Variants in RO60 observed in about 807,000 individuals in gnomAD.
The protein encoded by RO60 is RNA-binding protein RO60.
A neutral mutation model predicts 55.3 loss-of-function variants in RO60; 20 were observed. That is an observed-to-expected ratio of 0.36 (90% CI 0.25 to 0.53). The LOEUF is 0.53. Ranked by LOEUF, RO60 falls within the 20% of genes least tolerant of loss-of-function variation. RO60 has a pLI of 0.92. For synonymous variants in RO60, 213 were observed against 213.6 expected (o/e 1.00, Z 0.02); for missense variants, 558 against 646.6 (o/e 0.86, Z 1.49).
chr1:193,077,177 G>A (rs1673982441), intron 5 of RO60, 127 bp downstream of exon 5: 2 of 928,056 alleles, frequency 2.2e-6, no homozygotes, highest in South Asian at 2.1e-5. Flanking sequence ...TTTTTCTTTA[G>A]TTCATATGTG....
intron 2 of RO60, among the ~76,000 whole-genome samples, chr1:193,071,614 A>C (rs1673507129): frequency 1.3e-5 from 2 of 151,926 alleles, no homozygotes; most frequent in Non-Finnish European, 1.5e-5. Context: ...GGATCAGTGT[A>C]CCCACATTTG....
intron 1 of RO60, among the ~76,000 whole-genome samples, chr1:193,066,310 G>A (rs1289437131): frequency 6.6e-6 from 1 of 152,084 alleles, no homozygotes; most frequent in Admixed American, 6.5e-5. Flanking sequence ...TTTTCTCTAA[G>A]TCCCATCCTC....
At chr1:193,067,279 G>A (rs781526953) in intron 1 of RO60, among the ~76,000 whole-genome samples, 6 of 147,562 alleles carry the variant, frequency 4.1e-5, no homozygotes, top group Non-Finnish European at 7.4e-5. Context: ...TCCGCCTCCC[G>A]GGTTCACGCC....
chr1:193,062,884 A>G (rs148478372), intron 1 of RO60, among the ~76,000 whole-genome samples: 1 of 152,318 alleles, frequency 6.6e-6, no homozygotes, highest in African/African-American at 2.4e-5. Context: ...TTTATTGTCT[A>G]ATAATAGTCC....
chr1:193,082,517 T>A (rs1674381375), intron 7 of RO60, 45 bp from the exon 8 acceptor site: 2 of 1,598,620 alleles, frequency 1.3e-6, no homozygotes, highest in African/African-American at 1.3e-5. Flanking sequence ...CTAGTATTTT[T>A]AAGGATTTAT....
intron 5 of RO60, among the ~76,000 whole-genome samples, chr1:193,077,801 CAGTGAACAT>C (rs1674030973): frequency 6.6e-6 from 1 of 152,144 alleles, no homozygotes; most frequent in Non-Finnish European, 1.5e-5. Context: ...TTGGGGATTA[CAGTGAACAT>C]AAGATTGGTG....
intron 2 of RO60, among the ~76,000 whole-genome samples, chr1:193,075,412 C>A: frequency 6.7e-6 from 1 of 150,042 alleles, no homozygotes. Flanking sequence ...TATTCAACAG[C>A]AAAAAGAGAC....
intron 1 of RO60, among the ~76,000 whole-genome samples, chr1:193,066,665 G>C (rs1172556427): frequency 6.6e-6 from 1 of 152,062 alleles, no homozygotes; most frequent in Non-Finnish European, 1.5e-5. Context: ...GCTTTTAATG[G>C]TTAATATTCA....
At position 193,059,828 on chromosome 1, in the gene RO60, C is replaced by A. The variant is rs1306154175; in HGVS notation, c.-22+52C>A. 1 of 1,358,400 alleles carries A rather than the reference C, an allele frequency of 7.4e-7. No individual in the cohort carries two copies. 84.1% of individuals were successfully genotyped at this position (1,358,400 alleles called of 1,614,324 possible). On this transcript the variant is annotated intron_variant, in intron 1 of 8. Transcript: ENST00000400968. The surrounding 1 kb of genome is among the most constrained non-coding windows in gnomAD (Gnocchi z 4.9). Reference sequence around the variant, plus strand: ...GGAGCCTTTTGTGCGGCCCCAGGGACGCGCAAATTCTGACCAGTCCTCCAT... The same window carrying A: ...GGAGCCTTTTGTGCGGCCCCAGGGAAGCGCAAATTCTGACCAGTCCTCCAT...
chr1:193,069,406 G>T lies in RO60; in HGVS notation c.352G>T (p.Val118Phe), dbSNP rs1167646315. 2 of 1,614,106 alleles carry T rather than the reference G, an allele frequency of 1.2e-6. No homozygotes were observed. The highest frequency in any genetic ancestry group is 1.7e-6 in the Non-Finnish European group (2 of 1,179,912). The part of the protein sequence containing the change: ...KQAAFKAVSE[V>F]CRIPTHLFTF... The stretch of plus-strand genomic sequence containing the variant: ...AGCAGCATTTAAAGCTGTTTCTGAA[G>T]TTTGTCGCATTCCTACCCATCTCTT... Residue 118 changes from valine to phenylalanine, a missense_variant, in exon 2 of 9, where the codon GTT becomes TTT. Coordinates refer to ENST00000400968, the MANE Select transcript of RO60 (RefSeq NM_001173524.2).
At chr1:193,091,663 C>A, downstream of RO60, 2 of 1,611,732 alleles carry the variant, frequency 1.2e-6, no homozygotes, top group East Asian at 2.2e-5. Context: ...TTGCAAAATA[C>A]CCTACTAAAT....
At position 193,082,136 on chromosome 1, in the gene RO60, T is replaced by C. The variant is rs1349198636; in HGVS notation, c.1204-50T>C. The C allele has an allele frequency of 2.8e-6, 3 of 1,079,370 alleles. No individual in the cohort carries two copies. The Admixed American group carries it at 5.3e-5, about 19-fold the overall frequency. 66.9% of individuals were successfully genotyped at this position (1,079,370 alleles called of 1,614,324 possible). On this transcript the variant is annotated intron_variant, in intron 6 of 8. Transcript: ENST00000400968. Reference sequence around the variant, plus strand: ...ATGAAGTTGGATAAAATTCAAAATATTGTATTTCCCCCCAAATTTGCTGAA... The same window carrying C: ...ATGAAGTTGGATAAAATTCAAAATACTGTATTTCCCCCCAAATTTGCTGAA...
chr1:193,077,091 C>T (rs937341061), intron 5 of RO60, 41 bp downstream of exon 5: 1 of 1,540,252 alleles, frequency 6.5e-7, no homozygotes, highest in Non-Finnish European at 8.8e-7. Context: ...TGACTGAAGA[C>T]TTAATATCTT....
In RO60 at chr1:193,084,822, A is replaced by C; in HGVS notation, c.*91A>C. 6.5e-7 allele frequency: 1 copy of C among 1,542,964 alleles called. No homozygotes were observed. Among genetic ancestry groups the C allele is most frequent in the Non-Finnish European group, 8.7e-7 (1 of 1,151,182 alleles). ...CTTCCCAGCTAATCTCCACCCAATGAATGATGATGGTATAGTATGTGCATA... is the reference window on the plus strand; with the variant it reads ...CTTCCCAGCTAATCTCCACCCAATGCATGATGATGGTATAGTATGTGCATA... On this transcript the variant is annotated 3_prime_UTR_variant, in exon 9 of 9. Coordinates refer to ENST00000400968, the MANE Select transcript of RO60 (RefSeq NM_001173524.2).
downstream of RO60, chr1:193,091,771 C>T (rs145480062): frequency 5.6e-5 from 64 of 1,136,426 alleles, no homozygotes; most frequent in East Asian, 1.3e-3. Context: ...ACTCTATGCA[C>T]ATTAAACAAG....
In RO60 at chr1:193,090,639, T is replaced by G. The variant is rs1349153671; in HGVS notation, c.*5908T>G. ...CTGTCCATTTGCTTTATATAAAGGC[T>G]TTGATTTCAATAACTGACCATTTGA... is the stretch of plus-strand genomic sequence containing the variant. On this transcript the variant is annotated 3_prime_UTR_variant, in exon 9 of 9. Transcript: ENST00000400968. 1 of 152,058 alleles carries G rather than the reference T, an allele frequency of 6.6e-6. No individual in the cohort carries two copies. Among genetic ancestry groups the G allele is most frequent in the African/African-American group, 2.4e-5 (1 of 41,408 alleles). 9.4% of individuals were successfully genotyped at this position (152,058 alleles called of 1,614,324 possible). A position where few individuals can be genotyped will look rare whatever the true frequency, so the allele number is the denominator to read the frequency against.
Position 193,069,171 on chromosome 1 carries a change from C to A in RO60, c.117C>A (p.Phe39Leu), listed in dbSNP as rs762889618. 12 of 1,614,042 alleles carry A rather than the reference C, an allele frequency of 7.4e-6. No individual in the cohort carries two copies. The South Asian group carries it at 1.3e-4, about 18-fold the overall frequency. The part of the protein sequence containing the change: ...DMNRLHRFLC[F>L]GSEGGTYYIK... ...ATCGACTACACCGGTTCTTATGTTT[C>A]GGTTCTGAAGGTGGGACTTATTATA... The change falls in exon 2 of 9, where the codon TTC becomes TTA. Residue 39 changes from phenylalanine (F) to leucine (L), a missense_variant. Phe to Leu is a conservative substitution (Grantham distance 22). Transcript: ENST00000400968.
Position 193,085,732 on chromosome 1 carries a change from G to T in RO60, c.*1001G>T, listed in dbSNP as rs1572111059. 1 of 983,672 alleles carries T rather than the reference G, an allele frequency of 1.0e-6. No individual in the cohort carries two copies. The highest frequency in any genetic ancestry group is 6.2e-5 in the Admixed American group (1 of 16,186). 60.9% of individuals were successfully genotyped at this position (983,672 alleles called of 1,614,324 possible). A position where few individuals can be genotyped will look rare whatever the true frequency, so the allele number is the denominator to read the frequency against. ...ATTTTTAAAAGTATACATGTCAATG[G>T]CCTCTTTGTCCATTATTCATTTTGT... On this transcript the variant is annotated 3_prime_UTR_variant, in exon 9 of 9. Transcript: ENST00000400968.
chr1:193,069,558 T>C lies in RO60; in HGVS notation c.504T>C (p.Val168=). The change falls in exon 2 of 9, where the codon GTT becomes GTC. Residue 168 remains valine, a synonymous_variant. Coordinates refer to ENST00000400968, the MANE Select transcript of RO60 (RefSeq NM_001173524.2). ...EKGGMALALA[V]TKYKQRNGWS... ...GTGGCATGGCCCTTGCTCTGGCAGTTACAAAATATAAACAGAGAAATGGCT... is the reference window on the plus strand; with the variant it reads ...GTGGCATGGCCCTTGCTCTGGCAGTCACAAAATATAAACAGAGAAATGGCT... 1 of 1,614,164 alleles carries C rather than the reference T, an allele frequency of 6.2e-7. No homozygotes were observed. The highest frequency in any genetic ancestry group is 1.1e-5 in the South Asian group (1 of 91,080).
Sources: gnomAD v4.1 joint callset for allele counts (sites outside exome capture counted in the v4.1 genomes callset) on GRCh38, gnomAD v4.1.1 for gene constraint, Gnocchi (gnomAD v3.1) non-coding constraint, MANE v1.5 for transcripts, NCBI Gene and HGNC (gene_info 2026-07-23, HGNC 2026-07-21) for gene names.